The following UGT2B10 variants were observed in gnomAD, a reference collection of about 807,000 sequenced individuals.
UGT2B10 encodes the protein UDP glucuronosyltransferase family 2 member B10.
Under a neutral mutation model 43.7 loss-of-function variants are expected in UGT2B10, and 51 were observed. That is an observed-to-expected ratio of 1.17 (90% CI 0.93 to 1.47). The LOEUF (loss-of-function observed/expected upper bound fraction) is 1.47, where lower values mean the gene tolerates loss of function less well. Among genes scored for constraint, UGT2B10 ranks in the 40% most tolerant of loss-of-function variants. The pLI is 0.00. For synonymous variants in UGT2B10, 225 were observed against 209.0 expected (o/e 1.08, Z -0.66); for missense variants, 696 against 617.7 (o/e 1.13, Z -1.34).
At chr4:68,819,675 G>A (rs193184899) in intron 2 of UGT2B10, among the ~76,000 whole-genome samples, 192 of 152,036 alleles carry the variant, frequency 1.3e-3, no homozygotes, top group Non-Finnish European at 2.0e-3. Flanking sequence ...CATCATAGGT[G>A]TCTGACAGAG....
intron 4 of UGT2B10, 75 bp from the exon 5 acceptor site, chr4:68,827,254 T>C (rs1219415012): frequency 1.1e-4 from 183 of 1,605,604 alleles, no homozygotes; most frequent in Middle Eastern, 5.0e-4. Context: ...GAAAACACTG[T>C]CACTTTCAGA....
chr4:68,817,509 G>T (rs1737275711), intron 1 of UGT2B10, among the ~76,000 whole-genome samples: 1 of 151,576 alleles, frequency 6.6e-6, no homozygotes, highest in Non-Finnish European at 1.5e-5. Flanking sequence ...TCTTAGCTTG[G>T]ATCCAAATGA....
Position 68,831,543 on chromosome 4 carries a change from G to A in UGT2B10, c.*664G>A, listed in dbSNP as rs1489125202. On this transcript the variant is annotated 3_prime_UTR_variant, in exon 6 of 6. Transcript: ENST00000265403. Reference sequence around the variant, plus strand: ...AATGTGCTCCCTAATTATATGAAATGTTGTTTGATTACATAAAATAAAGTG... The same window carrying A: ...AATGTGCTCCCTAATTATATGAAATATTGTTTGATTACATAAAATAAAGTG... Among the ~76,000 whole-genome samples, 1 of 152,050 alleles carries A rather than the reference G, an allele frequency of 6.6e-6. No homozygotes were observed. Among genetic ancestry groups the A allele is most frequent in the Non-Finnish European group, 1.5e-5 (1 of 67,994 alleles).
intron 2 of UGT2B10, among the ~76,000 whole-genome samples, chr4:68,818,739 G>A (rs549840215): frequency 6.3e-4 from 96 of 151,952 alleles, no homozygotes; most frequent in Admixed American, 1.1e-3. Context: ...GGTGGGGAGA[G>A]ACAGACAAAA....
At chr4:68,828,967 A>G (rs889280064) in intron 5 of UGT2B10, among the ~76,000 whole-genome samples, 1 of 152,052 alleles carries the variant, frequency 6.6e-6, no homozygotes, top group African/African-American at 2.4e-5. Context: ...AAAGTCAAGA[A>G]GTAAATCATA....
Position 68,817,926 on chromosome 4 carries a change from A to G in UGT2B10, c.719-103A>G, listed in dbSNP as rs1737295087. 4 of 1,400,622 alleles carry G rather than the reference A, an allele frequency of 2.9e-6. No individual in the cohort carries two copies. The South Asian group carries it at 5.7e-5, about 20-fold the overall frequency. The allele number at this position is 1,400,622 out of a possible 1,614,324, so 86.8% of individuals were successfully genotyped here. On this transcript the variant is annotated intron_variant, in intron 1 of 5. Coordinates refer to ENST00000265403, the MANE Select transcript of UGT2B10 (RefSeq NM_001075.6). ...TGTACATATTTTTCAAAGCACACAA[A>G]CTTTACCAACATTTTTGCCTGCATT...
chr4:68,830,479 T>A, intron 5 of UGT2B10, 121 bp from the exon 6 acceptor site: 1 of 1,244,860 alleles, frequency 8.0e-7, no homozygotes, highest in Non-Finnish European at 1.1e-6. Flanking sequence ...ACATAAATTC[T>A]ATATCAATTC....
At chr4:68,818,634 G>A (rs1481159319) in intron 2 of UGT2B10, among the ~76,000 whole-genome samples, 3 of 151,806 alleles carry the variant, frequency 2.0e-5, no homozygotes, top group Middle Eastern at 3.4e-3. Context: ...AAAACCCAAT[G>A]CTAAGAAAGC....
chr4:68,823,334 T>C (rs12511664), intron 3 of UGT2B10, among the ~76,000 whole-genome samples: 68,553 of 151,262 alleles, frequency 0.45, 17,767 homozygotes, highest in South Asian at 0.66. Flanking sequence ...GGTGAAACCC[T>C]GTCTCTACTA....
intron 4 of UGT2B10, 55 bp downstream of exon 4, chr4:68,826,552 A>G (rs896408875): frequency 1.3e-6 from 2 of 1,542,084 alleles, no homozygotes; most frequent in African/African-American, 1.4e-5. Context: ...TTAGAGTGTT[A>G]ATAGTTCATC....
chr4:68,819,820 A>G (rs560222190), intron 2 of UGT2B10, among the ~76,000 whole-genome samples: 1 of 152,094 alleles, frequency 6.6e-6, no homozygotes, highest in South Asian at 2.1e-4. Context: ...TTTCGAAGGA[A>G]TACAAGAACT....
chr4:68,819,476 T>C (rs996773903), intron 2 of UGT2B10, among the ~76,000 whole-genome samples: 46 of 151,880 alleles, frequency 3.0e-4, no homozygotes, highest in Non-Finnish European at 6.2e-4. Flanking sequence ...TCCTCAACAA[T>C]ATAAATGTGT....
intron 3 of UGT2B10, among the ~76,000 whole-genome samples, chr4:68,824,922 G>T (rs970940889): frequency 2.0e-5 from 3 of 151,974 alleles, no homozygotes; most frequent in Non-Finnish European, 4.4e-5. Flanking sequence ...TAGCAATACT[G>T]GTTGGTAATA....
intron 5 of UGT2B10, 75 bp from the exon 6 acceptor site, chr4:68,830,525 A>T (rs1198696700): frequency 1.4e-6 from 2 of 1,469,170 alleles, no homozygotes; most frequent in Non-Finnish European, 1.8e-6. Context: ...ACACTTTAAA[A>T]GCCTTTCATA....
chr4:68,816,010 T>C lies in UGT2B10; in HGVS notation c.-10T>C. On this transcript the variant is annotated 5_prime_UTR_variant, in exon 1 of 6. Transcript: ENST00000265403. ...CAGTGACTGGAAAAGAATTATCACATTGCACAAGGATGGCTCTGAAATGGA... is the reference window on the plus strand; with the variant it reads ...CAGTGACTGGAAAAGAATTATCACACTGCACAAGGATGGCTCTGAAATGGA... The C allele has an allele frequency of 6.2e-7, 1 of 1,612,112 alleles. No individual in the cohort carries two copies. The highest frequency in any genetic ancestry group is 1.1e-5 in the South Asian group (1 of 91,018).
chr4:68,820,525 A>C (rs530899509), intron 2 of UGT2B10, among the ~76,000 whole-genome samples: 1 of 152,058 alleles, frequency 6.6e-6, no homozygotes, highest in Admixed American at 6.6e-5. Flanking sequence ...GTTACATGAA[A>C]TAATGATTAG....
intron 1 of UGT2B10, among the ~76,000 whole-genome samples, chr4:68,816,981 T>C (rs1200698668): frequency 6.6e-6 from 1 of 151,860 alleles, no homozygotes; most frequent in Non-Finnish European, 1.5e-5. Flanking sequence ...TATATATTAG[T>C]ACACCTAAGA....
Position 68,830,661 on chromosome 4 carries a change from G to C in UGT2B10, c.1369G>C (p.Asp457His). The change falls in exon 6 of 6, where the codon GAT (aspartate) becomes CAT (histidine). Residue 457 changes from aspartate to histidine, a missense_variant. Physicochemically the swap from Asp to His is moderately conservative, Grantham distance 81. Coordinates refer to ENST00000265403, the MANE Select transcript of UGT2B10 (RefSeq NM_001075.6). The part of the protein sequence containing the change: ...IQHDQPVKPL[D>H]RAVFWIEFVM... The stretch of plus-strand genomic sequence containing the variant: ...ACATGATCAACCAGTGAAGCCCCTG[G>C]ATCGAGCAGTCTTCTGGATTGAATT... 2 of 1,613,258 alleles carry C rather than the reference G, an allele frequency of 1.2e-6. No homozygotes were observed. The highest frequency in any genetic ancestry group is 1.7e-6 in the Non-Finnish European group (2 of 1,179,424).
At chr4:68,822,057 C>G (rs1737528074) in intron 2 of UGT2B10, among the ~76,000 whole-genome samples, 1 of 152,122 alleles carries the variant, frequency 6.6e-6, no homozygotes, top group Non-Finnish European at 1.5e-5. Context: ...TACATACACA[C>G]ACATATTTAC....
Sources: gnomAD v4.1 joint callset for allele counts (sites outside exome capture counted in the v4.1 genomes callset) on GRCh38, gnomAD v4.1.1 for gene constraint, MANE v1.5 for transcripts, NCBI Gene and HGNC (gene_info 2026-07-23, HGNC 2026-07-21) for gene names.